The following ANKRD30B variants were observed in gnomAD, a reference collection of about 807,000 sequenced individuals.
ANKRD30B encodes the protein ankyrin repeat domain-containing protein 30B.
In ANKRD30B, 144 loss-of-function variants were observed where a neutral mutation model predicts 202.2. That is an observed-to-expected ratio of 0.71 (90% CI 0.62 to 0.82). The LOEUF is 0.82. Ranked by LOEUF, ANKRD30B falls within the 40% of genes least tolerant of loss-of-function variation. The pLI is 0.00. For synonymous variants in ANKRD30B, 508 were observed against 561.3 expected (o/e 0.91, Z 1.34); for missense variants, 1,487 against 1,669.1 (o/e 0.89, Z 1.90).
intron 33 of ANKRD30B, chr18:14,830,070 A>C (rs1970835814): frequency 6.5e-6 from 1 of 154,454 alleles, no homozygotes; most frequent in African/African-American, 2.4e-5. Context: ...GAACAGGTAA[A>C]TACAGAGCTT....
the ANKRD30B span, among the ~76,000 whole-genome samples, chr18:14,916,601 G>A: frequency 6.6e-6 from 1 of 152,164 alleles, no homozygotes; most frequent in South Asian, 2.1e-4. Flanking sequence ...GAGAGTGTAT[G>A]TGTGTGGTGG....
chr18:14,768,312 A>G (rs1394527330), intron 7 of ANKRD30B, among the ~76,000 whole-genome samples: 2 of 152,158 alleles, frequency 1.3e-5, no homozygotes, highest in African/African-American at 4.8e-5. Context: ...AACTTGCTCT[A>G]TGCATCTCTT....
chr18:14,797,351 G>A (rs78271606), intron 18 of ANKRD30B, among the ~76,000 whole-genome samples: 103 of 152,236 alleles, frequency 6.8e-4, no homozygotes, highest in Admixed American at 1.5e-3. Flanking sequence ...CTCTGCAGGG[G>A]GAAGCACATC....
rs144117249 is a variant in ANKRD30B at position 14,751,608 on chromosome 18, A to G, written c.222-958A>G. 5.5e-3 allele frequency among the ~76,000 whole-genome samples: 834 copies of G among 152,306 alleles called. 9 individuals are homozygous for G. Among genetic ancestry groups the G allele is most frequent in the Middle Eastern group, 0.02 (6 of 294 alleles). On this transcript the variant is annotated intron_variant, in intron 1 of 43. Transcript: ENST00000690538. Reference sequence around the variant, plus strand: ...TAATCATCAAAAATACCTAATTTACATGCATTCTATAAATCTAAATATGAA... The same window carrying G: ...TAATCATCAAAAATACCTAATTTACGTGCATTCTATAAATCTAAATATGAA...
the ANKRD30B span, among the ~76,000 whole-genome samples, chr18:14,917,829 G>A: frequency 2.0e-5 from 3 of 152,178 alleles, no homozygotes; most frequent in Middle Eastern, 3.2e-3. Context: ...GGAACTCCTG[G>A]CCCATCTGGG....
At chr18:14,885,283 C>T in the ANKRD30B span, among the ~76,000 whole-genome samples, 3 of 152,014 alleles carry the variant, frequency 2.0e-5, no homozygotes, top group African/African-American at 7.2e-5. Flanking sequence ...AAGACTTTCT[C>T]ATGTATCATT....
the ANKRD30B span, among the ~76,000 whole-genome samples, chr18:14,865,635 C>A: frequency 3.2e-4 from 48 of 150,396 alleles, 1 homozygote; most frequent in African/African-American, 1.1e-3. Flanking sequence ...TTCCCAACAT[C>A]TTTTCCTCAC....
intron 37 of ANKRD30B, among the ~76,000 whole-genome samples, chr18:14,842,294 G>A (rs1598710660): frequency 6.6e-6 from 1 of 152,238 alleles, no homozygotes; most frequent in African/African-American, 2.4e-5. Context: ...ATACAGCAAT[G>A]TAGGCATATG....
intron 7 of ANKRD30B, among the ~76,000 whole-genome samples, chr18:14,764,448 G>A (rs1915771122): frequency 2.6e-5 from 4 of 152,154 alleles, no homozygotes; most frequent in Admixed American, 6.5e-5. Context: ...GGAGTGCAAT[G>A]GCGCGAGCGA....
chr18:14,931,913 A>ACCTCCCT, the ANKRD30B span, among the ~76,000 whole-genome samples: 9 of 51,402 alleles, frequency 1.8e-4, no homozygotes, highest in Middle Eastern at 0.011. Context: ...CCCCCACCCC[A>ACCTCCCT]CCTCCCTCCT....
chr18:14,786,043 T>A (rs1267701610), intron 14 of ANKRD30B, among the ~76,000 whole-genome samples: 1 of 38,540 alleles, frequency 2.6e-5, no homozygotes, highest in Non-Finnish European at 4.1e-5. Flanking sequence ...AGACTCCGTC[T>A]CAAAAAAAAA....
intron 30 of ANKRD30B, among the ~76,000 whole-genome samples, chr18:14,818,911 G>GTTC (rs1970262475): frequency 6.6e-6 from 1 of 151,748 alleles, no homozygotes; most frequent in Non-Finnish European, 1.5e-5. Flanking sequence ...GGTATTTCCA[G>GTTC]TTCTAGATCC....
At chr18:14,762,429 C>G (rs1915399093) in intron 6 of ANKRD30B, among the ~76,000 whole-genome samples, 1 of 152,076 alleles carries the variant, frequency 6.6e-6, no homozygotes, top group Non-Finnish European at 1.5e-5. Context: ...TCAAAGATAC[C>G]TACTGAGTGC....
intron 3 of ANKRD30B, among the ~76,000 whole-genome samples, chr18:14,754,348 A>G (rs995744984): frequency 2.6e-5 from 4 of 152,190 alleles, no homozygotes; most frequent in African/African-American, 7.2e-5. Context: ...CCACAAAAAT[A>G]TATTGTCAAG....
rs1351894134 is a variant in ANKRD30B at position 14,762,648 on chromosome 18, C to A, written c.821-1038C>A. ...TGTTACAGCAAGATACTCTAATAGC[C>A]AAAATATTATCATTATAAATATTCA... On this transcript the variant is annotated intron_variant, in intron 6 of 43. Coordinates refer to ENST00000690538, the MANE Select transcript of ANKRD30B (RefSeq NM_001367607.2). Among the ~76,000 whole-genome samples, 5 of 151,754 alleles carry A rather than the reference C, an allele frequency of 3.3e-5. No individual in the cohort carries two copies. In the East Asian group the frequency reaches 9.7e-4, roughly 29 times the overall value.
the ANKRD30B span, among the ~76,000 whole-genome samples, chr18:14,860,874 T>G: frequency 6.6e-6 from 1 of 151,968 alleles, no homozygotes; most frequent in African/African-American, 2.4e-5. Flanking sequence ...TTGGCAAATT[T>G]TGGTATTTTT....
the ANKRD30B span, among the ~76,000 whole-genome samples, chr18:14,887,267 A>G: frequency 2.0e-5 from 3 of 152,006 alleles, no homozygotes; most frequent in African/African-American, 7.2e-5. Flanking sequence ...TCCTAACTGT[A>G]TCTTCTATGT....
the ANKRD30B span, among the ~76,000 whole-genome samples, chr18:14,897,604 A>AT: frequency 1.4e-5 from 2 of 143,964 alleles, no homozygotes; most frequent in Admixed American, 6.7e-5. Flanking sequence ...TTAGCATAAT[A>AT]TTTTTTTGGT....
chr18:14,878,074 A>G, the ANKRD30B span: 1 of 152,238 alleles, frequency 6.6e-6, no homozygotes, highest in Non-Finnish European at 1.5e-5. Context: ...GCCAGTGAGA[A>G]GTCCACTGTG....
Sources: gnomAD v4.1 joint callset for allele counts (sites outside exome capture counted in the v4.1 genomes callset) on GRCh38, gnomAD v4.1.1 for gene constraint, MANE v1.5 for transcripts, NCBI Gene and HGNC (gene_info 2026-07-23, HGNC 2026-07-21) for gene names.